SLC6A20: variants seen among roughly 807,000 people sequenced by gnomAD.
SLC6A20 encodes solute carrier family 6 member 20, also known as sodium- and chloride-dependent transporter XTRP3.
Under a neutral mutation model 64.3 loss-of-function variants are expected in SLC6A20, and 73 were observed. The observed-to-expected ratio is 1.14, with a 90% CI of 0.94 to 1.38. The LOEUF (loss-of-function observed/expected upper bound fraction) is 1.38, where lower values mean the gene tolerates loss of function less well. Ranked by LOEUF, SLC6A20 falls within the 40% of genes most tolerant of loss-of-function variation. The probability of loss-of-function intolerance (pLI) is 0.00; values close to 1 mark genes in which losing one functional copy is unlikely to be tolerated. For missense variants in SLC6A20, 725 were observed against 772.8 expected, an observed-to-expected ratio of 0.94 and a Z score of 0.73; for synonymous variants, 347 against 329.6, an observed-to-expected ratio of 1.05 and a Z score of -0.57.
chr3:45,772,234 G>A (rs1012652009), intron 5 of SLC6A20: 2 of 393,390 alleles, frequency 5.1e-6, no homozygotes, highest in Non-Finnish European at 4.6e-6. Flanking sequence ...AGTGGCAGGG[G>A]TGCAGCAGTT....
In SLC6A20 at chr3:45,796,529, G is replaced by A; in HGVS notation, c.-110C>T. The A allele has an allele frequency of 1.5e-5, 17 of 1,135,862 alleles. No homozygotes were observed. The highest frequency in any genetic ancestry group is 2.0e-5 in the Non-Finnish European group (17 of 865,702). 70.4% of individuals were successfully genotyped at this position (1,135,862 alleles called of 1,614,324 possible). On this transcript the variant is annotated 5_prime_UTR_variant, in exon 1 of 11. Coordinates refer to ENST00000358525, the MANE Select transcript of SLC6A20 (RefSeq NM_020208.4). ...CCCGGCTCGGCTTGGGGGTGGCCCCGCGCCTCCGCCGCCGACGCAGCTAGC... is the reference window on the plus strand; with the variant it reads ...CCCGGCTCGGCTTGGGGGTGGCCCCACGCCTCCGCCGCCGACGCAGCTAGC...
Position 45,771,389 on chromosome 3 carries a change from C to G in SLC6A20, c.763G>C (p.Gly255Arg). The G allele has an allele frequency of 6.2e-7, 1 of 1,614,176 alleles. No homozygotes were observed. The highest frequency in any genetic ancestry group is 8.5e-7 in the Non-Finnish European group (1 of 1,180,030). ...ATQIFFSLGLGFGSLIAFASY... is the reference protein window; with the variant it reads ...ATQIFFSLGLRFGSLIAFASY... ...GCGAAGGCGATCAGGCTGCCGAAGC[C>G]CAGGCCAAGTGAGAAGAAGATCTGG... Residue 255 changes from glycine (G) to arginine (R), a missense_variant, in exon 6 of 11, where the codon GGC becomes CGC. Coordinates refer to ENST00000358525, the MANE Select transcript of SLC6A20 (RefSeq NM_020208.4).
In SLC6A20 at chr3:45,759,141, C is replaced by G. The variant is rs780745036; in HGVS notation, c.1630-14G>C. 2.3e-5 allele frequency: 37 copies of G among 1,604,206 alleles called. 1 individual carries two copies. In the South Asian group the frequency reaches 3.9e-4, roughly 17 times the overall value. On this transcript the variant is annotated splice_polypyrimidine_tract_variant and intron_variant, in intron 10 of 10. Transcript: ENST00000358525. ...CACGAGCTGGCCCTGAAAGGAGAGA[C>G]TGAGTGTCAGCAGAGAGCACCTGCT...
chr3:45,789,468 C>T (rs114019654), intron 1 of SLC6A20, among the ~76,000 whole-genome samples: 86 of 152,252 alleles, frequency 5.6e-4, no homozygotes, highest in Non-Finnish European at 1.0e-3. Flanking sequence ...TAAAACTTTA[C>T]GTGACTTAAA....
intron 2 of SLC6A20, among the ~76,000 whole-genome samples, chr3:45,780,927 A>T (rs760787403): frequency 6.6e-5 from 10 of 152,200 alleles, no homozygotes; most frequent in Non-Finnish European, 1.2e-4. Context: ...GTTGGCACAA[A>T]TATCTGGTAT....
intron 1 of SLC6A20, among the ~76,000 whole-genome samples, chr3:45,795,274 A>G (rs1700326502): frequency 6.6e-6 from 1 of 152,210 alleles, no homozygotes; most frequent in Non-Finnish European, 1.5e-5. Context: ...TCCATTTTAT[A>G]TAGCTTTGAA....
intron 1 of SLC6A20, among the ~76,000 whole-genome samples, chr3:45,792,564 TGG>T (rs1489821341): frequency 6.6e-6 from 1 of 152,182 alleles, no homozygotes; most frequent in Non-Finnish European, 1.5e-5. Flanking sequence ...TCCCAACTAC[TGG>T]GGGCCCTCAC....
In SLC6A20 at chr3:45,765,666, A is replaced by G; in HGVS notation, c.1174T>C (p.Ser392Pro). 6.2e-7 allele frequency: 1 copy of G among 1,614,186 alleles called. No homozygotes were observed. Among genetic ancestry groups the G allele is most frequent in the Non-Finnish European group, 8.5e-7 (1 of 1,180,022 alleles). ...AGCAGCATGAAGAAGTAGAGCACCG[A>G]CCACAGCTGGGACACCTCCATGTTT... Reference protein sequence around the residue: ...IKNMEVSQLWSVLYFFMLLML... With the variant: ...IKNMEVSQLWPVLYFFMLLML... Residue 392 changes from serine (S) to proline (P), a missense_variant, in exon 8 of 11, where the codon TCG (serine) becomes CCG (proline). Ser to Pro is a moderately conservative substitution (Grantham distance 74). Coordinates refer to ENST00000358525, the MANE Select transcript of SLC6A20 (RefSeq NM_020208.4). The surrounding 1 kb of genome is among the most constrained non-coding windows in gnomAD (Gnocchi z 4.2).
rs367881791 is a variant in SLC6A20 at position 45,763,061 on chromosome 3, G to A, written c.1315C>T (p.Leu439Phe). The change falls in exon 9 of 11, where the codon CTT becomes TTT. Residue 439 changes from leucine to phenylalanine, a missense_variant. Leu to Phe is a conservative substitution (Grantham distance 22). Transcript: ENST00000358525. The part of the protein sequence containing the change: ...PKEAISGLVC[L>F]VNCAIGMVFT... ...ACCATGCCAATGGCACAGTTGACAA[G>A]GCACACCAGACCTGGGGGCCACAAG... 1 of 1,614,076 alleles carries A rather than the reference G, an allele frequency of 6.2e-7. No individual in the cohort carries two copies. The highest frequency in any genetic ancestry group is 8.5e-7 in the Non-Finnish European group (1 of 1,180,034).
intron 3 of SLC6A20, 59 bp from the exon 4 acceptor site, chr3:45,776,047 C>A: frequency 6.5e-7 from 1 of 1,542,138 alleles, no homozygotes; most frequent in South Asian, 1.1e-5. Flanking sequence ...AAGGCTGTGG[C>A]AGGGGTGAGG....
intron 1 of SLC6A20, among the ~76,000 whole-genome samples, chr3:45,795,119 A>G (rs1211301681): frequency 6.6e-6 from 1 of 152,198 alleles, no homozygotes; most frequent in African/African-American, 2.4e-5. Context: ...AGAAGTCCTA[A>G]TACACAAACA....
intron 4 of SLC6A20, among the ~76,000 whole-genome samples, chr3:45,773,512 G>A (rs559419277): frequency 8.5e-4 from 129 of 152,298 alleles, no homozygotes; most frequent in Non-Finnish European, 1.7e-3. Flanking sequence ...TCAAGTGCAC[G>A]TGTGCCTATC....
chr3:45,782,003 G>C (rs1438714010), intron 2 of SLC6A20, 80 bp downstream of exon 2: 2 of 1,458,940 alleles, frequency 1.4e-6, no homozygotes, highest in Non-Finnish European at 9.1e-7. Flanking sequence ...TGATCCAGCA[G>C]CTTTGCTGAT....
rs777908628 is a variant in SLC6A20, at chr3:45,759,039, G to A, written c.1718C>T (p.Ala573Val). Residue 573 changes from alanine to valine, a missense_variant, in exon 11 of 11, where the codon GCG becomes GTG. Transcript: ENST00000358525. ...ACGCTGAACAAAAGTCCCCAGGGCC[G>A]CCAGGGGGATGCACATGGTGGAGGA... is the stretch of plus-strand genomic sequence containing the variant. ...VASSTMCIPL[A>V]ALGTFVQRRL... is the part of the protein sequence containing the mutation. The A allele has an allele frequency of 1.3e-5, 21 of 1,612,148 alleles. No homozygotes were observed. The highest frequency in any genetic ancestry group is 1.7e-5 in the Admixed American group (1 of 59,826).
intron 1 of SLC6A20, among the ~76,000 whole-genome samples, chr3:45,793,464 T>G (rs2125659692): frequency 6.6e-6 from 1 of 152,316 alleles, no homozygotes; most frequent in African/African-American, 2.4e-5. Context: ...AAAGAGATTT[T>G]GTGAAGTTCT....
At chr3:45,764,734 C>T (rs7620663) in intron 8 of SLC6A20, among the ~76,000 whole-genome samples, 13 of 135,374 alleles carry the variant, frequency 9.6e-5, no homozygotes, top group Non-Finnish European at 1.9e-4. Context: ...AGGAAAAAAA[C>T]CCCTAAAATG....
intron 1 of SLC6A20, among the ~76,000 whole-genome samples, chr3:45,786,169 A>C (rs1700166062): frequency 1.3e-5 from 2 of 152,200 alleles, no homozygotes; most frequent in South Asian, 4.1e-4. Flanking sequence ...TGTATTTCCA[A>C]AAACAAGAAC....
At position 45,788,370 on chromosome 3, in the gene SLC6A20, G is replaced by A. The variant is rs1030920418; in HGVS notation, c.122-6147C>T. Among the ~76,000 whole-genome samples, 7 of 152,090 alleles carry A rather than the reference G, an allele frequency of 4.6e-5. No homozygotes were observed. The South Asian group carries it at 6.2e-4, about 14-fold the overall frequency. On this transcript the variant is annotated intron_variant, in intron 1 of 10. Transcript: ENST00000358525. ...AGAGACATGGACAGCAAACCCAAGCGCTACTCTATGTCTAATAAGCGTTAC... is the reference window on the plus strand; with the variant it reads ...AGAGACATGGACAGCAAACCCAAGCACTACTCTATGTCTAATAAGCGTTAC...
Position 45,796,496 on chromosome 3 carries a change from C to G in SLC6A20, c.-77G>C, listed in dbSNP as rs1436018908. The G allele has an allele frequency of 2.1e-6, 3 of 1,446,422 alleles. No homozygotes were observed. In the Admixed American group the frequency reaches 7.1e-5, roughly 34 times the overall value. 89.6% of individuals were successfully genotyped at this position (1,446,422 alleles called of 1,614,324 possible). A position where few individuals can be genotyped will look rare whatever the true frequency, so the allele number is the denominator to read the frequency against. On this transcript the variant is annotated 5_prime_UTR_variant, in exon 1 of 11. Coordinates refer to ENST00000358525, the MANE Select transcript of SLC6A20 (RefSeq NM_020208.4). ...CTCAGTGCGCGGTCGCCAGGCGCGC[C>G]GTCCCACCCCGGCTCGGCTTGGGGG...
Sources: gnomAD v4.1 joint callset for allele counts (sites outside exome capture counted in the v4.1 genomes callset) on GRCh38, gnomAD v4.1.1 for gene constraint, Gnocchi (gnomAD v3.1) non-coding constraint, MANE v1.5 for transcripts, NCBI Gene and HGNC (gene_info 2026-07-23, HGNC 2026-07-21) for gene names.